CHD1L: variants seen among roughly 807,000 people sequenced by gnomAD.
CHD1L encodes ATP-dependent chromatin remodeler CHD1L.
CHD1L carries 118 observed loss-of-function variants against 115.9 expected under a neutral mutation model. That is an observed-to-expected ratio of 1.02 (90% CI 0.88 to 1.19). The LOEUF (loss-of-function observed/expected upper bound fraction) is 1.19. Ranked by LOEUF, CHD1L falls within the 50% of genes most tolerant of loss-of-function variation. CHD1L has a pLI of 0.00. For synonymous variants in CHD1L, 411 were observed against 387.1 expected, an observed-to-expected ratio of 1.06 and a Z score of -0.72; for missense variants, 1,179 against 1,065.3, an observed-to-expected ratio of 1.11 and a Z score of -1.49.
the CHD1L span, among the ~76,000 whole-genome samples, chr1:147,222,296 A>C: frequency 6.6e-6 from 1 of 152,200 alleles, no homozygotes; most frequent in Admixed American, 6.5e-5. Context: ...TGAACCCAGG[A>C]GGCAGAGGTT....
At chr1:147,247,275 G>A (rs782572744) in intron 1 of CHD1L, among the ~76,000 whole-genome samples, 23 of 152,028 alleles carry the variant, frequency 1.5e-4, no homozygotes, top group Admixed American at 6.5e-4. Flanking sequence ...CAAATATCAT[G>A]TTGAAATTTG....
intron 9 of CHD1L, 92 bp from the exon 10 acceptor site, chr1:147,268,690 G>A (rs1217859835): frequency 2.1e-6 from 2 of 930,830 alleles, no homozygotes; most frequent in African/African-American, 3.3e-5. Context: ...CTACTTATAT[G>A]ATGAGCTTTT....
chr1:147,215,100 G>C, the CHD1L span: 1 of 152,132 alleles, frequency 6.6e-6, no homozygotes, highest in Non-Finnish European at 1.5e-5. Flanking sequence ...TTATAGAAAA[G>C]TCCTAGAATA....
chr1:147,268,245 TG>T (rs1287656963), intron 9 of CHD1L, among the ~76,000 whole-genome samples: 1 of 152,192 alleles, frequency 6.6e-6, no homozygotes, highest in African/African-American at 2.4e-5. Flanking sequence ...TTCTTCATAC[TG>T]GGGCTTTTTT....
intron 16 of CHD1L, among the ~76,000 whole-genome samples, chr1:147,284,700 A>G (rs960602014): frequency 1.2e-4 from 18 of 152,196 alleles, no homozygotes; most frequent in South Asian, 8.3e-4. Context: ...CATAAAGGAG[A>G]GAATATATTG....
chr1:147,235,077 A>G, the CHD1L span, among the ~76,000 whole-genome samples: 1 of 134,730 alleles, frequency 7.4e-6, no homozygotes, highest in South Asian at 2.6e-4. Flanking sequence ...CATGGAGTAG[A>G]TATCCCACAC....
chr1:147,178,955 A>G, the CHD1L span: 1 of 1,612,640 alleles, frequency 6.2e-7, no homozygotes, highest in South Asian at 1.1e-5. Context: ...TACTGGAGAA[A>G]CAGGGTAATG....
At chr1:147,182,051 TAAG>T in the CHD1L span, among the ~76,000 whole-genome samples, 4 of 152,194 alleles carry the variant, frequency 2.6e-5, no homozygotes, top group Non-Finnish European at 5.9e-5. Context: ...ATCACTGGAG[TAAG>T]AAGATCACAT....
At chr1:147,257,296 GTTAT>G (rs1488552551) in intron 5 of CHD1L, among the ~76,000 whole-genome samples, 3 of 151,848 alleles carry the variant, frequency 2.0e-5, no homozygotes, top group Non-Finnish European at 4.4e-5. Flanking sequence ...TATTTTAAAT[GTTAT>G]TTCTTATCCA....
chr1:147,179,599 A>C, the CHD1L span: 14 of 1,574,952 alleles, frequency 8.9e-6, no homozygotes, highest in Middle Eastern at 2.1e-4. Context: ...GAAAAACCCA[A>C]GAAGAAGAAG....
intron 12 of CHD1L, among the ~76,000 whole-genome samples, chr1:147,274,741 C>T (rs1202835432): frequency 2.0e-5 from 3 of 152,094 alleles, no homozygotes; most frequent in African/African-American, 7.2e-5. Flanking sequence ...CAAGAGTGTT[C>T]TTGTCTTGCC....
chr1:147,174,811 CT>C, the CHD1L span: 1 of 151,914 alleles, frequency 6.6e-6, no homozygotes, highest in African/African-American at 2.4e-5. Flanking sequence ...GCTCTTCTTT[CT>C]TTCTAGAGGA....
At chr1:147,274,633 C>CTG in intron 12 of CHD1L, among the ~76,000 whole-genome samples, 1 of 151,434 alleles carries the variant, frequency 6.6e-6, no homozygotes, top group African/African-American at 2.4e-5. Context: ...TAATTAATTC[C>CTG]TGTAACTCAA....
At chr1:147,219,392 C>A in the CHD1L span, among the ~76,000 whole-genome samples, 2 of 151,630 alleles carry the variant, frequency 1.3e-5, no homozygotes, top group East Asian at 1.9e-4. Flanking sequence ...GGATTGCTTT[C>A]TTTTTCTTTT....
chr1:147,204,613 A>T, the CHD1L span: 1 of 1,592,716 alleles, frequency 6.3e-7, no homozygotes, highest in Non-Finnish European at 8.6e-7. Context: ...AGCTCCGGCA[A>T]ATACCAGAAC....
chr1:147,264,835 G>C (rs143930246), intron 7 of CHD1L, among the ~76,000 whole-genome samples: 1 of 152,314 alleles, frequency 6.6e-6, no homozygotes, highest in African/African-American at 2.4e-5. Context: ...GGAAGAAATA[G>C]AAAGTGCCTG....
the CHD1L span, among the ~76,000 whole-genome samples, chr1:147,196,180 A>G: frequency 6.6e-6 from 1 of 152,108 alleles, no homozygotes; most frequent in Non-Finnish European, 1.5e-5. Context: ...TCTAATAACT[A>G]TCCTGGTGTA....
the CHD1L span, among the ~76,000 whole-genome samples, chr1:147,233,924 C>T: frequency 6.6e-6 from 1 of 151,878 alleles, no homozygotes; most frequent in Non-Finnish European, 1.5e-5. Flanking sequence ...ATCACCACTC[C>T]CTAATCTCAA....
intron 10 of CHD1L, among the ~76,000 whole-genome samples, chr1:147,269,666 T>TTA (rs1675358414): frequency 2.2e-4 from 1 of 4,528 alleles, no homozygotes; most frequent in Non-Finnish European, 4.4e-4. Flanking sequence ...AGGCTCCATC[T>TTA]CAAAAAAAAA....
Sources: gnomAD v4.1 joint callset for allele counts (sites outside exome capture counted in the v4.1 genomes callset) on GRCh38, gnomAD v4.1.1 for gene constraint, MANE v1.5 for transcripts, NCBI Gene and HGNC (gene_info 2026-07-23, HGNC 2026-07-21) for gene names.